NRCAM: variants seen among roughly 807,000 people sequenced by gnomAD.
NRCAM encodes neuronal cell adhesion molecule.
Under a neutral mutation model 156.5 loss-of-function variants are expected in NRCAM, and 83 were observed. The ratio of observed to expected loss-of-function variants is 0.53; its 90% CI spans 0.44 to 0.64. NRCAM has a LOEUF of 0.64. Among genes scored for constraint, NRCAM ranks in the 30% least tolerant of loss-of-function variants. NRCAM has a pLI of 0.00. For synonymous variants in NRCAM, 538 were observed against 563.9 expected (o/e 0.95, Z 0.65); for missense variants, 1,417 against 1,597.3 (o/e 0.89, Z 1.92).
chr7:108,445,827 C>A (rs1409521172), intron 1 of NRCAM, among the ~76,000 whole-genome samples: 1 of 152,152 alleles, frequency 6.6e-6, no homozygotes, highest in Non-Finnish European at 1.5e-5. Flanking sequence ...ACCCCTATAA[C>A]CCACTAACTA....
chr7:108,296,601 AGG>A (rs1446253870), intron 3 of NRCAM, among the ~76,000 whole-genome samples: 3 of 152,082 alleles, frequency 2.0e-5, no homozygotes, highest in African/African-American at 7.2e-5. Flanking sequence ...GGGGGATTGT[AGG>A]GGGTCTTCAT....
At chr7:108,176,271 T>G (rs551050761) in intron 27 of NRCAM, 159 bp downstream of exon 27, 37 of 637,850 alleles carry the variant, frequency 5.8e-5, no homozygotes, top group Admixed American at 2.2e-4. Flanking sequence ...CAATATGAAC[T>G]AAATAGCTGA....
At chr7:108,264,821 A>G (rs561120729) in intron 3 of NRCAM, among the ~76,000 whole-genome samples, 1 of 152,312 alleles carries the variant, frequency 6.6e-6, no homozygotes, top group Admixed American at 6.5e-5. Context: ...TAGGTTTCCA[A>G]TTCCACGTGT....
In NRCAM at chr7:108,148,091, C is replaced by G. The variant is rs779117666; in HGVS notation, c.*1819G>C. The G allele has an allele frequency of 1.3e-5, 2 of 152,624 alleles. No homozygotes were observed. Among genetic ancestry groups the G allele is most frequent in the Non-Finnish European group, 2.9e-5 (2 of 68,046 alleles). The allele number at this position is 152,624 out of a possible 1,614,324, so 9.5% of individuals were successfully genotyped here. ...TAAATTATGCTTTACCTACATATAT[C>G]AAACATGCCAGGTTACTAGGCCTAC... is the stretch of plus-strand genomic sequence containing the variant. On this transcript the variant is annotated 3_prime_UTR_variant, in exon 33 of 33. Transcript: ENST00000379028.
Position 108,371,355 on chromosome 7 carries a change from A to ACCT in NRCAM, c.-174+28078_-174+28080dup, listed in dbSNP as rs149406020. ...TTGCTGTTTTAGTTCTTGTTCAGCA[A>ACCT]CCTCCCCCACTGCCTTCTACTCTGC... On this transcript the variant is annotated intron_variant, in intron 2 of 32. Transcript: ENST00000379028. Among the ~76,000 whole-genome samples, 930 of 151,876 alleles carry ACCT rather than the reference A, an allele frequency of 6.1e-3. 8 individuals are homozygous for ACCT. Among genetic ancestry groups the ACCT allele is most frequent in the African/African-American group, 0.021 (869 of 41,430 alleles).
At chr7:108,298,173 T>C (rs932873042) in intron 3 of NRCAM, among the ~76,000 whole-genome samples, 1 of 152,196 alleles carries the variant, frequency 6.6e-6, no homozygotes. Flanking sequence ...CTATACTTTA[T>C]TACCAATAAT....
At chr7:108,402,990 C>G (rs1215440932) in intron 1 of NRCAM, among the ~76,000 whole-genome samples, 1 of 152,176 alleles carries the variant, frequency 6.6e-6, no homozygotes, top group East Asian at 1.9e-4. Flanking sequence ...CTTGAGTCAT[C>G]TCAAACCGAA....
chr7:108,149,712 A>G lies in NRCAM; in HGVS notation c.*198T>C. 1.8e-6 allele frequency: 1 copy of G among 566,300 alleles called. No individual in the cohort carries two copies. Among genetic ancestry groups the G allele is most frequent in the South Asian group, 2.5e-5 (1 of 39,216 alleles). The allele number at this position is 566,300 out of a possible 1,614,324, so 35.1% of individuals were successfully genotyped here. A position where few individuals can be genotyped will look rare whatever the true frequency, so the allele number is the denominator to read the frequency against. On this transcript the variant is annotated 3_prime_UTR_variant, in exon 33 of 33. Coordinates refer to ENST00000379028, the MANE Select transcript of NRCAM (RefSeq NM_001037132.4). ...TCAAGAATACCCATTTTGAATGAAA[A>G]AGTATGCACTTTGCATTCCAGTTCA...
Position 108,160,483 on chromosome 7 carries a change from C to T in NRCAM, c.3476G>A (p.Ser1159Asn). The stretch of plus-strand genomic sequence containing the variant: ...CTGAGTTGCAATATCCACCTGCCGG[C>T]TTGCCATCGCTGGAAAACAAATCAA... Reference protein sequence around the residue: ...DVFETGPAMASRQVDIATQGW... With the variant: ...DVFETGPAMANRQVDIATQGW... The change falls in exon 31 of 33, where the codon AGC (serine) becomes AAC (asparagine). Residue 1159 changes from serine to asparagine, a missense_variant. Physicochemically the swap from Ser to Asn is conservative, Grantham distance 46. Around this residue, in one of 2 missense-constraint regions of NRCAM, gnomAD observed 179 missense variants for 260.9 expected, o/e 0.69. Transcript: ENST00000379028. 4 of 1,612,924 alleles carry T rather than the reference C, an allele frequency of 2.5e-6. No homozygotes were observed. Among genetic ancestry groups the T allele is most frequent in the Non-Finnish European group, 3.4e-6 (4 of 1,179,440 alleles).
chr7:108,192,767 A>T (rs1277369866), intron 17 of NRCAM, among the ~76,000 whole-genome samples: 2 of 152,196 alleles, frequency 1.3e-5, no homozygotes, highest in East Asian at 3.8e-4. Flanking sequence ...ACATGTATAA[A>T]CTCTCATAGG....
intron 2 of NRCAM, among the ~76,000 whole-genome samples, chr7:108,367,572 G>A (rs1239273500): frequency 6.6e-6 from 1 of 152,134 alleles, no homozygotes; most frequent in African/African-American, 2.4e-5. Context: ...TATTTTGTAA[G>A]CAGAGTTAAG....
At chr7:108,155,143 C>T (rs913025208) in intron 32 of NRCAM, among the ~76,000 whole-genome samples, 3 of 104,852 alleles carry the variant, frequency 2.9e-5, no homozygotes, top group African/African-American at 4.6e-5. Context: ...CACACACACA[C>T]ATATAGCAGA....
chr7:108,425,809 G>A (rs193196461), intron 1 of NRCAM, among the ~76,000 whole-genome samples: 2 of 152,206 alleles, frequency 1.3e-5, no homozygotes, highest in East Asian at 1.9e-4. Context: ...GTCTAGGTGC[G>A]TCCTGAACAG....
chr7:108,449,077 G>C (rs927276786), intron 1 of NRCAM, among the ~76,000 whole-genome samples: 24 of 152,208 alleles, frequency 1.6e-4, no homozygotes, highest in South Asian at 4.1e-4. Context: ...AATTCACACA[G>C]TCCAATGTTT....
chr7:108,191,695 A>G, intron 18 of NRCAM, 34 bp downstream of exon 18: 1 of 1,557,158 alleles, frequency 6.4e-7, no homozygotes, highest in South Asian at 1.2e-5. Flanking sequence ...AAATGCAGGG[A>G]AGCCAGTTGT....
chr7:108,217,495 T>G (rs1031804798), intron 11 of NRCAM, among the ~76,000 whole-genome samples: 2 of 152,198 alleles, frequency 1.3e-5, no homozygotes, highest in African/African-American at 4.8e-5. Context: ...CAGGAATGTT[T>G]AAATCTGCTG....
At chr7:108,248,638 A>G (rs910025366) in intron 3 of NRCAM, among the ~76,000 whole-genome samples, 1 of 152,178 alleles carries the variant, frequency 6.6e-6, no homozygotes, top group Non-Finnish European at 1.5e-5. Context: ...CAGAGGTGCC[A>G]CCATTTTGTG....
chr7:108,167,669 G>A (rs749161810), intron 29 of NRCAM, among the ~76,000 whole-genome samples: 1 of 152,140 alleles, frequency 6.6e-6, no homozygotes, highest in African/African-American at 2.4e-5. Flanking sequence ...TTTGTTCTAT[G>A]TAAGCACACT....
At chr7:108,156,308 T>C (rs2045456708) in intron 32 of NRCAM, 2 of 985,152 alleles carry the variant, frequency 2.0e-6, no homozygotes, top group Non-Finnish European at 2.4e-6. Context: ...TGAGTTCAAG[T>C]AACATGGGCA....
Sources: gnomAD v4.1 joint callset for allele counts (sites outside exome capture counted in the v4.1 genomes callset) on GRCh38, gnomAD v4.1.1 for gene constraint, gnomAD v4.1.1 regional missense constraint, MANE v1.5 for transcripts, NCBI Gene and HGNC (gene_info 2026-07-23, HGNC 2026-07-21) for gene names.